Variants in DCC observed in about 807,000 individuals in gnomAD.
DCC encodes the protein DCC netrin 1 receptor.
Under a neutral mutation model 172.5 loss-of-function variants are expected in DCC, and 58 were observed. That is an observed-to-expected ratio of 0.34 (90% CI 0.27 to 0.42). DCC has a LOEUF of 0.42. Ranked by LOEUF, DCC falls within the 10% of genes least tolerant of loss-of-function variation. The pLI is 1.00. For missense variants in DCC, 1,740 were observed against 1,791.0 expected (o/e 0.97, Z 0.51); for synonymous variants, 709 against 644.5 (o/e 1.10, Z -1.52).
chr18:53,279,198 G>A (rs142695470), intron 12 of DCC, among the ~76,000 whole-genome samples: 2,344 of 152,122 alleles, frequency 0.015, 68 homozygotes, highest in African/African-American at 0.053. Context: ...ACATGCACAC[G>A]TATGCTTATT....
chr18:52,917,132 G>GAA (rs2040053330), intron 3 of DCC, among the ~76,000 whole-genome samples: 2 of 81,312 alleles, frequency 2.5e-5, no homozygotes, highest in African/African-American at 5.1e-5. Flanking sequence ...AAAAAAAAAA[G>GAA]AAAACAAAAA....
chr18:53,013,698 TAAAAAA>T (rs772056355), intron 5 of DCC, among the ~76,000 whole-genome samples: 2 of 135,984 alleles, frequency 1.5e-5, no homozygotes, highest in Non-Finnish European at 3.2e-5. Context: ...TCCCAGAACT[TAAAAAA>T]AAAAAAAAAA....
intron 2 of DCC, among the ~76,000 whole-genome samples, chr18:52,811,331 C>A (rs186782949): frequency 4.6e-4 from 70 of 152,000 alleles, no homozygotes; most frequent in Non-Finnish European, 8.1e-4. Flanking sequence ...TTGTTATGGG[C>A]GACATTCATT....
intron 1 of DCC, among the ~76,000 whole-genome samples, chr18:52,524,406 A>G (rs1188555088): frequency 1.3e-5 from 2 of 152,218 alleles, no homozygotes; most frequent in Admixed American, 1.3e-4. Context: ...CTTTAAAAGT[A>G]TAACTGCATT....
rs182853501 is a variant in DCC at position 52,800,915 on chromosome 18, C to A, written c.412+48541C>A. Among the ~76,000 whole-genome samples the A allele has an allele frequency of 1.2e-4, 19 of 152,212 alleles. No individual in the cohort carries two copies. The East Asian group carries it at 2.3e-3, about 19-fold the overall frequency. On this transcript the variant is annotated intron_variant, in intron 2 of 28. Transcript: ENST00000442544. Reference sequence around the variant, plus strand: ...CCAGCTGGACTGGTATAATTATGCACCTACTATAAGCTGGCGTATTGGCAG... The same window carrying A: ...CCAGCTGGACTGGTATAATTATGCAACTACTATAAGCTGGCGTATTGGCAG...
chr18:52,890,494 A>G (rs1290863563), intron 2 of DCC, among the ~76,000 whole-genome samples: 1 of 152,148 alleles, frequency 6.6e-6, no homozygotes, highest in Non-Finnish European at 1.5e-5. Context: ...CAGGTAAGAA[A>G]TTTGGAAAAT....
At chr18:53,091,607 C>T (rs557745041) in intron 7 of DCC, among the ~76,000 whole-genome samples, 60 of 151,392 alleles carry the variant, frequency 4.0e-4, no homozygotes, top group Middle Eastern at 6.9e-3. Flanking sequence ...CTTGTATCCT[C>T]GTACGGTGCA....
At chr18:52,841,518 G>C (rs1190368455) in intron 2 of DCC, among the ~76,000 whole-genome samples, 2 of 152,170 alleles carry the variant, frequency 1.3e-5, no homozygotes, top group Non-Finnish European at 2.9e-5. Flanking sequence ...CATTCTGTCC[G>C]AGAAAGGAAT....
chr18:53,027,489 T>G (rs2143944679), intron 5 of DCC, among the ~76,000 whole-genome samples: 1 of 152,260 alleles, frequency 6.6e-6, no homozygotes, highest in East Asian at 1.9e-4. Context: ...TAACTATGAA[T>G]AATTTTCAGG....
intron 1 of DCC, among the ~76,000 whole-genome samples, chr18:52,425,074 A>AT (rs1175319522): frequency 2.0e-5 from 3 of 151,862 alleles, no homozygotes; most frequent in African/African-American, 4.8e-5. Flanking sequence ...CTAATCATCC[A>AT]TTTTTTTCCT....
chr18:53,208,599 T>G (rs1279922640), intron 11 of DCC, among the ~76,000 whole-genome samples: 1 of 152,168 alleles, frequency 6.6e-6, no homozygotes, highest in South Asian at 2.1e-4. Flanking sequence ...AGTATTAAAA[T>G]TGAGCATGAA....
intron 1 of DCC, among the ~76,000 whole-genome samples, chr18:52,369,186 TGTGCTAG>T (rs1411221847): frequency 1.3e-5 from 2 of 152,216 alleles, no homozygotes; most frequent in Non-Finnish European, 2.9e-5. Context: ...CCTAAGAATG[TGTGCTAG>T]GTGCTTCTAG....
Position 52,925,283 on chromosome 18 carries a change from G to A in DCC, c.898G>A (p.Val300Met). 2 of 1,612,680 alleles carry A rather than the reference G, an allele frequency of 1.2e-6. No individual in the cohort carries two copies. Among genetic ancestry groups the A allele is most frequent in the Non-Finnish European group, 1.7e-6 (2 of 1,178,932 alleles). ...LGGSNLLISNVTDDDSGMYTC... is the reference protein window; with the variant it reads ...LGGSNLLISNMTDDDSGMYTC... ...TGGAAGCAACTTGCTTATCTCCAAT[G>A]TGACAGATGATGACAGTGGAATGTA... The change falls in exon 5 of 29, where the codon GTG (valine) becomes ATG (methionine). Residue 300 changes from valine to methionine, a missense_variant. Physicochemically the swap from Val to Met is conservative, Grantham distance 21. Coordinates refer to ENST00000442544, the MANE Select transcript of DCC (RefSeq NM_005215.4).
At chr18:52,346,021 A>G (rs1485824080) in intron 1 of DCC, among the ~76,000 whole-genome samples, 1 of 152,178 alleles carries the variant, frequency 6.6e-6, no homozygotes, top group Non-Finnish European at 1.5e-5. Flanking sequence ...CAAAGTTACT[A>G]CTTTTCAGAG....
rs1219806469 is a variant in DCC at position 52,484,721 on chromosome 18, C to T, written c.91+143843C>T. ...CCAAGAGCAAAAAGAAATTGAGTGG[C>T]TTGCTGCACCTATCAAACCACCATG... On this transcript the variant is annotated intron_variant, in intron 1 of 28. Coordinates refer to ENST00000442544, the MANE Select transcript of DCC (RefSeq NM_005215.4). Among the ~76,000 whole-genome samples the T allele has an allele frequency of 2.0e-5, 3 of 151,764 alleles. No homozygotes were observed. In the East Asian group the frequency reaches 5.8e-4, roughly 30 times the overall value.
chr18:52,721,204 G>A (rs760820572), intron 1 of DCC, among the ~76,000 whole-genome samples: 2 of 152,230 alleles, frequency 1.3e-5, no homozygotes, highest in South Asian at 2.1e-4. Flanking sequence ...CAACAGGACC[G>A]TATGGCAATG....
At chr18:52,518,677 T>C (rs933591237) in intron 1 of DCC, among the ~76,000 whole-genome samples, 1 of 152,232 alleles carries the variant, frequency 6.6e-6, no homozygotes, top group Admixed American at 6.5e-5. Flanking sequence ...TCTCACTTTC[T>C]CTTCTCTGTT....
chr18:52,830,615 C>T (rs1229233818), intron 2 of DCC, among the ~76,000 whole-genome samples: 1 of 152,172 alleles, frequency 6.6e-6, no homozygotes. Context: ...GTAGCCTGAT[C>T]TTCTACTCTT....
chr18:52,789,454 C>T (rs1354414602), intron 2 of DCC, among the ~76,000 whole-genome samples: 1 of 151,902 alleles, frequency 6.6e-6, no homozygotes, highest in Non-Finnish European at 1.5e-5. Flanking sequence ...AACATAAAGG[C>T]CTTTTAAAAA....
Sources: gnomAD v4.1 joint callset for allele counts (sites outside exome capture counted in the v4.1 genomes callset) on GRCh38, gnomAD v4.1.1 for gene constraint, MANE v1.5 for transcripts, NCBI Gene and HGNC (gene_info 2026-07-23, HGNC 2026-07-21) for gene names.